Variants in TDRD3 observed in about 807,000 individuals in gnomAD.
TDRD3 encodes the protein tudor domain-containing protein 3.
Under a neutral mutation model 86.7 loss-of-function variants are expected in TDRD3, and 45 were observed. The ratio of observed to expected loss-of-function variants is 0.52; its 90% CI spans 0.41 to 0.67. The LOEUF (loss-of-function observed/expected upper bound fraction) is 0.67, where lower values mean the gene tolerates loss of function less well. Ranked by LOEUF, TDRD3 falls within the 30% of genes least tolerant of loss-of-function variation. The pLI is 0.00. For synonymous variants in TDRD3, 298 were observed against 301.7 expected (o/e 0.99, Z 0.13); for missense variants, 814 against 889.0 (o/e 0.92, Z 1.07).
At chr13:60,452,324 G>A (rs1367105079) in intron 3 of TDRD3, among the ~76,000 whole-genome samples, 1 of 151,842 alleles carries the variant, frequency 6.6e-6, no homozygotes, top group Non-Finnish European at 1.5e-5. Context: ...CTCTGTTACT[G>A]GTACATGGAA....
chr13:60,492,890 T>A (rs73208072), intron 7 of TDRD3, among the ~76,000 whole-genome samples: 21,886 of 150,584 alleles, frequency 0.15, 2,004 homozygotes, highest in South Asian at 0.28. Context: ...TGTATTTTCT[T>A]CCGTTTCAAA....
chr13:60,538,006 G>A (rs986387072), intron 12 of TDRD3: 1 of 151,916 alleles, frequency 6.6e-6, no homozygotes, highest in Non-Finnish European at 1.5e-5. Context: ...TAAATAGAAA[G>A]CATGATATAT....
At chr13:60,494,898 A>G (rs982015489) in intron 8 of TDRD3, among the ~76,000 whole-genome samples, 1 of 152,156 alleles carries the variant, frequency 6.6e-6, no homozygotes, top group Non-Finnish European at 1.5e-5. Context: ...TCTTTTGTCA[A>G]ATTTTGTCTA....
chr13:60,444,712 C>T lies in TDRD3; in HGVS notation c.156C>T (p.Phe52=), dbSNP rs781306298. The T allele has an allele frequency of 1.4e-6, 2 of 1,479,872 alleles. No homozygotes were observed. Among genetic ancestry groups the T allele is most frequent in the South Asian group, 2.8e-5 (2 of 71,764 alleles). The allele number at this position is 1,479,872 out of a possible 1,614,324, so 91.7% of individuals were successfully genotyped here. A position where few individuals can be genotyped will look rare whatever the true frequency, so the allele number is the denominator to read the frequency against. ...ATCTGAGAACAATTGGCAAGAAATT[C>T]CTCCCCAGTGACATCAATAGTGGAA... ...NTDLRTIGKK[F]LPSDINSGKV... is the part of the protein sequence containing the mutation. The change falls in exon 3 of 14, where the codon TTC becomes TTT. Residue 52 remains phenylalanine (F), a synonymous_variant. Transcript: ENST00000377881.
At chr13:60,541,822 G>T (rs1957822223) in intron 12 of TDRD3, among the ~76,000 whole-genome samples, 1 of 141,190 alleles carries the variant, frequency 7.1e-6, no homozygotes, top group East Asian at 2.1e-4. Flanking sequence ...CCGCCTCCTG[G>T]GTTCAAGCAA....
intron 10 of TDRD3, among the ~76,000 whole-genome samples, chr13:60,519,996 A>C (rs146118466): frequency 2.3e-4 from 35 of 152,282 alleles, no homozygotes; most frequent in African/African-American, 8.2e-4. Context: ...TTGTTCATTT[A>C]TAACAGCACT....
intron 5 of TDRD3, among the ~76,000 whole-genome samples, chr13:60,470,684 A>C (rs1388897951): frequency 6.6e-6 from 1 of 150,908 alleles, no homozygotes; most frequent in Non-Finnish European, 1.5e-5. Context: ...CCCAGGTTCA[A>C]GCGATCTCCT....
At chr13:60,439,877 C>A in intron 2 of TDRD3, 105 bp downstream of exon 2, 1 of 663,002 alleles carries the variant, frequency 1.5e-6, no homozygotes, top group Non-Finnish European at 2.4e-6. Context: ...TAGAGAACAT[C>A]TTTCTTATTT....
intron 1 of TDRD3, among the ~76,000 whole-genome samples, chr13:60,426,154 A>G (rs796997716): frequency 1.8e-4 from 28 of 152,182 alleles, no homozygotes; most frequent in African/African-American, 6.3e-4. Flanking sequence ...ATGTTATGCT[A>G]AGTGAAAAAA....
intron 5 of TDRD3, among the ~76,000 whole-genome samples, chr13:60,481,214 A>G (rs1353885643): frequency 6.6e-6 from 1 of 152,104 alleles, no homozygotes; most frequent in Non-Finnish European, 1.5e-5. Context: ...TGTACCTAAC[A>G]TGGTTGGTGT....
chr13:60,476,385 G>A (rs1044279636), intron 5 of TDRD3, among the ~76,000 whole-genome samples: 1 of 152,034 alleles, frequency 6.6e-6, no homozygotes, highest in African/African-American at 2.4e-5. Flanking sequence ...TCTTTATCCT[G>A]TTCCATTGGT....
At chr13:60,480,524 A>G (rs978676716) in intron 5 of TDRD3, among the ~76,000 whole-genome samples, 9 of 152,142 alleles carry the variant, frequency 5.9e-5, no homozygotes, top group African/African-American at 1.9e-4. Context: ...TTCAGTTTGC[A>G]TGTTGACCTG....
intron 4 of TDRD3, among the ~76,000 whole-genome samples, chr13:60,464,956 G>A (rs778494681): frequency 1.6e-4 from 25 of 152,074 alleles, no homozygotes; most frequent in Non-Finnish European, 3.2e-4. Context: ...TAATGTTCTC[G>A]CAAAGAAAAG....
chr13:60,435,918 G>T (rs902997341), intron 1 of TDRD3, among the ~76,000 whole-genome samples: 10 of 124,798 alleles, frequency 8.0e-5, no homozygotes, highest in South Asian at 2.8e-4. Flanking sequence ...AACATCTATG[G>T]TTTTTTTTTT....
chr13:60,420,361 G>T (rs1486850166), intron 1 of TDRD3, among the ~76,000 whole-genome samples: 1 of 149,478 alleles, frequency 6.7e-6, no homozygotes. Context: ...TTTAATTTTG[G>T]TCAAGATCAA....
rs777705417 is a variant in TDRD3, at chr13:60,535,093, C to T, written c.1993-15C>T. Reference sequence around the variant, plus strand: ...ATACCAGTTGTCATATTTAAAACTCCTTTTGCCTCCTCAGTTTTACCGGGC... The same window carrying T: ...ATACCAGTTGTCATATTTAAAACTCTTTTTGCCTCCTCAGTTTTACCGGGC... On this transcript the variant is annotated splice_polypyrimidine_tract_variant and intron_variant, in intron 11 of 13. Transcript: ENST00000377881. 2 of 1,612,714 alleles carry T rather than the reference C, an allele frequency of 1.2e-6. No individual in the cohort carries two copies. The highest frequency in any genetic ancestry group is 1.7e-6 in the Non-Finnish European group (2 of 1,179,434).
chr13:60,426,673 A>C (rs1423189048), intron 1 of TDRD3, among the ~76,000 whole-genome samples: 1 of 152,218 alleles, frequency 6.6e-6, no homozygotes, highest in Non-Finnish European at 1.5e-5. Flanking sequence ...AAGCAGACCA[A>C]TGTTATAGAA....
rs1958639486 is a variant in TDRD3, at chr13:60,573,681, A to C, written c.*75A>C. On this transcript the variant is annotated 3_prime_UTR_variant, in exon 14 of 14. Coordinates refer to ENST00000377881, the MANE Select transcript of TDRD3 (RefSeq NM_001146070.2). The stretch of plus-strand genomic sequence containing the variant: ...GTGGAAACCTGTTGACAGACCTTCC[A>C]CTTTCTCTTCAGAATAAGTAGCTGT... 1 of 982,986 alleles carries C rather than the reference A, an allele frequency of 1.0e-6. No individual in the cohort carries two copies. The highest frequency in any genetic ancestry group is 4.7e-5 in the South Asian group (1 of 21,238). 60.9% of individuals were successfully genotyped at this position (982,986 alleles called of 1,614,324 possible). A position where few individuals can be genotyped will look rare whatever the true frequency, so the allele number is the denominator to read the frequency against.
chr13:60,454,019 T>C (rs544314988), intron 3 of TDRD3, among the ~76,000 whole-genome samples: 2 of 152,272 alleles, frequency 1.3e-5, no homozygotes, highest in Admixed American at 1.3e-4. Flanking sequence ...TTTACAAACA[T>C]AACTTTATAT....
Sources: gnomAD v4.1 joint callset for allele counts (sites outside exome capture counted in the v4.1 genomes callset) on GRCh38, gnomAD v4.1.1 for gene constraint, MANE v1.5 for transcripts, NCBI Gene and HGNC (gene_info 2026-07-23, HGNC 2026-07-21) for gene names.